CDH23: variants seen among roughly 807,000 people sequenced by gnomAD.
CDH23 encodes the protein cadherin related 23.
In CDH23, 189 loss-of-function variants were observed where a neutral mutation model predicts 317.1. The observed-to-expected ratio is 0.60, with a 90% confidence interval of 0.53 to 0.67. CDH23 has a LOEUF of 0.67. Among genes scored for constraint, CDH23 ranks in the 30% least tolerant of loss-of-function variants. The probability of loss-of-function intolerance (pLI) is 0.00; values close to 1 mark genes in which losing one functional copy is unlikely to be tolerated. For synonymous variants in CDH23, 1,839 were observed against 1,876.8 expected (o/e 0.98, Z 0.52); for missense variants, 4,401 against 4,592.4 (o/e 0.96, Z 1.20).
chr10:71,659,929 C>T (rs1360893443), intron 14 of CDH23, among the ~76,000 whole-genome samples: 1 of 149,702 alleles, frequency 6.7e-6, no homozygotes, highest in Non-Finnish European at 1.5e-5. Context: ...CCTGACTCAG[C>T]TGTTTCTTTT....
intron 1 of CDH23, among the ~76,000 whole-genome samples, chr10:71,406,055 G>A (rs577955866): frequency 7.2e-4 from 106 of 147,644 alleles, no homozygotes; most frequent in African/African-American, 1.5e-3. Flanking sequence ...TTTCTCTGTC[G>A]CCCAGGCTAG....
At chr10:71,534,009 T>C (rs538298801) in intron 6 of CDH23, among the ~76,000 whole-genome samples, 4 of 152,080 alleles carry the variant, frequency 2.6e-5, no homozygotes, top group Admixed American at 6.6e-5. Flanking sequence ...CATCCTATTT[T>C]CTTTACCGAT....
chr10:71,810,145 G>A (rs779015581), intron 61 of CDH23, 69 bp downstream of exon 61: 152 of 1,571,196 alleles, frequency 9.7e-5, no homozygotes, highest in Non-Finnish European at 1.2e-4. Context: ...GCCACAAGGA[G>A]AGACAGGGCA....
At chr10:71,781,811 G>T (rs1840963577) in intron 41 of CDH23, among the ~76,000 whole-genome samples, 1 of 152,164 alleles carries the variant, frequency 6.6e-6, no homozygotes, top group South Asian at 2.1e-4. Flanking sequence ...GATAACTTTG[G>T]GGTCTCTGAG....
At chr10:71,657,562 A>G (rs542295150) in intron 14 of CDH23, among the ~76,000 whole-genome samples, 1 of 152,334 alleles carries the variant, frequency 6.6e-6, no homozygotes, top group African/African-American at 2.4e-5. Flanking sequence ...CCCAAGAGGT[A>G]GGCCCGGTCC....
rs150556842 is a variant in CDH23 at position 71,569,895 on chromosome 10, A to ATT, written c.625-895_625-894insTT. 1.8e-3 allele frequency among the ~76,000 whole-genome samples: 270 copies of ATT among 150,814 alleles called. 4 individuals carry two copies. In the East Asian group the frequency reaches 0.026, roughly 15 times the overall value. On this transcript the variant is annotated intron_variant, in intron 7 of 69. Transcript: ENST00000224721. ...TCTTTCTTGCCAAGCATTAAAAAAAAATTTTTTTTTTGAGATGGGGGTCTC... is the reference window on the plus strand; with the variant it reads ...TCTTTCTTGCCAAGCATTAAAAAAAATTATTTTTTTTTTGAGATGGGGGTCTC...
chr10:71,652,995 G>C (rs74145244), intron 14 of CDH23, among the ~76,000 whole-genome samples: 8,934 of 152,088 alleles, frequency 0.059, 357 homozygotes, highest in African/African-American at 0.11. Context: ...CACCCACCCT[G>C]CAAGGGTCCC....
chr10:71,773,436 C>T (rs1840736048), intron 38 of CDH23: 1 of 1,596,830 alleles, frequency 6.3e-7, no homozygotes. Flanking sequence ...GTGGGGACGC[C>T]CATGTCGCCG....
chr10:71,577,171 C>T (rs1288462621), intron 8 of CDH23, among the ~76,000 whole-genome samples: 2 of 152,160 alleles, frequency 1.3e-5, no homozygotes, highest in African/African-American at 4.8e-5. Flanking sequence ...CAGCTGTCTG[C>T]TCAGATGTTC....
chr10:71,704,492 G>A (rs1409104897), intron 24 of CDH23, among the ~76,000 whole-genome samples: 1 of 152,200 alleles, frequency 6.6e-6, no homozygotes, highest in Admixed American at 6.5e-5. Context: ...TCAAAGCAAA[G>A]CGGGGCAGGG....
chr10:71,726,590 C>G (rs528816342), intron 30 of CDH23, among the ~76,000 whole-genome samples: 1 of 152,352 alleles, frequency 6.6e-6, no homozygotes, highest in South Asian at 2.1e-4. Context: ...GTCAGATCCC[C>G]TGGTTCTTAC....
intron 56 of CDH23, 40 bp downstream of exon 56, chr10:71,806,037 G>A (rs768913027): frequency 2.6e-6 from 4 of 1,549,480 alleles, no homozygotes; most frequent in African/African-American, 2.7e-5. Context: ...GGTCTGGGGC[G>A]GGGCTTTCTT....
rs868126501 is a variant in CDH23, at chr10:71,481,802, C to T, written c.146-28280C>T. On this transcript the variant is annotated intron_variant, in intron 3 of 69. Coordinates refer to ENST00000224721, the MANE Select transcript of CDH23 (RefSeq NM_022124.6). Reference sequence around the variant, plus strand: ...CAGCTCGCAGAGCTAACCCTTGAGACGTGGCTGCGTGTGGGGTCCTGTGGG... The same window carrying T: ...CAGCTCGCAGAGCTAACCCTTGAGATGTGGCTGCGTGTGGGGTCCTGTGGG... 3.5e-4 allele frequency among the ~76,000 whole-genome samples: 53 copies of T among 152,340 alleles called. 1 individual carries two copies. Among genetic ancestry groups the T allele is most frequent in the African/African-American group, 1.3e-3 (52 of 41,586 alleles).
intron 18 of CDH23, among the ~76,000 whole-genome samples, chr10:71,686,771 G>A (rs1864918307): frequency 6.6e-6 from 1 of 152,198 alleles, no homozygotes; most frequent in African/African-American, 2.4e-5. Flanking sequence ...AAGGTCATGA[G>A]CCAAGTGGGC....
intron 6 of CDH23, among the ~76,000 whole-genome samples, chr10:71,532,375 C>T (rs1855423041): frequency 6.6e-6 from 1 of 152,336 alleles, no homozygotes; most frequent in East Asian, 1.9e-4. Flanking sequence ...GCTCTGAGGC[C>T]CCGATTACCT....
rs1840854015 is a variant in CDH23, at chr10:71,777,841, A to G, written c.5007A>G (p.Thr1669=). The change falls in exon 39 of 70, where the codon ACA becomes ACG. Residue 1669 remains threonine, a synonymous_variant. Coordinates refer to ENST00000224721, the MANE Select transcript of CDH23 (RefSeq NM_022124.6). ...ALDLDEGPNG[T]VTYAIVAGNI... The stretch of plus-strand genomic sequence containing the variant: ...ACCTGGATGAGGGTCCCAACGGCAC[A>G]GTCACCTATGCCATCGTCGCAGGCA... The G allele has an allele frequency of 1.2e-6, 2 of 1,613,976 alleles. No homozygotes were observed. Among genetic ancestry groups the G allele is most frequent in the Admixed American group, 1.7e-5 (1 of 60,006 alleles).
intron 30 of CDH23, among the ~76,000 whole-genome samples, chr10:71,725,997 C>T (rs1866792228): frequency 6.6e-6 from 1 of 151,366 alleles, no homozygotes; most frequent in African/African-American, 2.4e-5. Flanking sequence ...ATATTCCAGT[C>T]ACCTCTCCCA....
intron 36 of CDH23, among the ~76,000 whole-genome samples, chr10:71,740,448 C>A (rs550306372): frequency 1.3e-5 from 2 of 152,326 alleles, no homozygotes; most frequent in Non-Finnish European, 2.9e-5. Flanking sequence ...GCCTTTGAAG[C>A]TAAAGACAGG....
At chr10:71,520,316 T>A (rs188452247) in intron 6 of CDH23, among the ~76,000 whole-genome samples, 262 of 151,556 alleles carry the variant, frequency 1.7e-3, no homozygotes, top group African/African-American at 6.0e-3. Flanking sequence ...AATGAAAGAG[T>A]CATCAAGAAA....
Sources: gnomAD v4.1 joint callset for allele counts (sites outside exome capture counted in the v4.1 genomes callset) on GRCh38, gnomAD v4.1.1 for gene constraint, MANE v1.5 for transcripts, NCBI Gene and HGNC (gene_info 2026-07-23, HGNC 2026-07-21) for gene names.